TKT: variants seen among roughly 807,000 people sequenced by gnomAD.
TKT encodes the protein transketolase, also known as epididymis luminal protein 107.
Under a neutral mutation model 63.9 loss-of-function variants are expected in TKT, and 47 were observed. That is an observed-to-expected ratio of 0.74 (90% CI 0.58 to 0.94). The LOEUF is 0.94. Ranked by LOEUF, TKT falls within the 40% of genes least tolerant of loss-of-function variation. The probability of loss-of-function intolerance (pLI) is 0.00; values close to 1 mark genes in which losing one functional copy is unlikely to be tolerated. For synonymous variants in TKT, 338 were observed against 334.1 expected, an observed-to-expected ratio of 1.01 and a Z score of -0.13; for missense variants, 721 against 846.2, an observed-to-expected ratio of 0.85 and a Z score of 1.84.
intron 13 of TKT, 182 bp from the exon 14 acceptor site, chr3:53,226,113 A>C: frequency 1.8e-6 from 1 of 547,466 alleles, no homozygotes; most frequent in African/African-American, 1.9e-5. Flanking sequence ...ACAGACAGGT[A>C]TCACCATGTT....
intron 8 of TKT, among the ~76,000 whole-genome samples, 158 bp downstream of exon 8, chr3:53,230,299 T>TCAAG (rs2106667742): frequency 6.6e-6 from 1 of 152,332 alleles, no homozygotes; most frequent in East Asian, 1.9e-4. Flanking sequence ...CTGTGGCTGT[T>TCAAG]CAAGGTCAGG....
intron 8 of TKT, 79 bp downstream of exon 8, chr3:53,230,378 C>A (rs1032341341): frequency 1.9e-6 from 3 of 1,583,306 alleles, no homozygotes; most frequent in Non-Finnish European, 2.6e-6. Flanking sequence ...CCTGGCTCTG[C>A]CAACATGGCT....
At chr3:53,248,194 G>T (rs562427425) in intron 1 of TKT, among the ~76,000 whole-genome samples, 111 of 152,328 alleles carry the variant, frequency 7.3e-4, no homozygotes, top group African/African-American at 2.6e-3. Flanking sequence ...TCATTCGGAG[G>T]ATGGGGCCAC....
At chr3:53,243,306 C>G (rs1182230771) in intron 1 of TKT, among the ~76,000 whole-genome samples, 2 of 152,096 alleles carry the variant, frequency 1.3e-5, no homozygotes, top group South Asian at 4.1e-4. Flanking sequence ...ACAGGCCTCC[C>G]GGGAGGGCCC....
At position 53,225,711 on chromosome 3, in the gene TKT, A is replaced by C. The variant is rs1318083165; in HGVS notation, c.*45T>G. On this transcript the variant is annotated 3_prime_UTR_variant, in exon 14 of 14. Coordinates refer to ENST00000462138, the MANE Select transcript of TKT (RefSeq NM_001064.4). The stretch of plus-strand genomic sequence containing the variant: ...GTACATCTTTGAGCACCTTTCCCAG[A>C]ATCTCAGGAATGTATAGACCCCCGC... 5 of 1,523,234 alleles carry C rather than the reference A, an allele frequency of 3.3e-6. No individual in the cohort carries two copies. Among genetic ancestry groups the C allele is most frequent in the Non-Finnish European group, 4.4e-6 (5 of 1,125,956 alleles). 94.4% of individuals were successfully genotyped at this position (1,523,234 alleles called of 1,614,324 possible). A position where few individuals can be genotyped will look rare whatever the true frequency, so the allele number is the denominator to read the frequency against.
At chr3:53,228,200 T>G (rs1375214035) in intron 11 of TKT, 51 bp from the exon 12 acceptor site, 2 of 1,612,720 alleles carry the variant, frequency 1.2e-6, no homozygotes, top group Non-Finnish European at 1.7e-6. Flanking sequence ...GGGCAGGGTG[T>G]GCCCTGACTG....
intron 1 of TKT, among the ~76,000 whole-genome samples, chr3:53,250,642 C>T (rs868968968): frequency 6.6e-6 from 1 of 152,124 alleles, no homozygotes; most frequent in Non-Finnish European, 1.5e-5. Flanking sequence ...CATAGTGGCT[C>T]ATGCCTGTGG....
At chr3:53,239,615 C>T (rs895447552) in intron 4 of TKT, among the ~76,000 whole-genome samples, 4 of 152,172 alleles carry the variant, frequency 2.6e-5, no homozygotes, top group Non-Finnish European at 4.4e-5. Flanking sequence ...ATCTGACCAC[C>T]GCAGACAAAC....
At chr3:53,251,391 G>C (rs1169933662) in intron 1 of TKT, among the ~76,000 whole-genome samples, 1 of 152,176 alleles carries the variant, frequency 6.6e-6, no homozygotes. Flanking sequence ...TTTAAAGCCA[G>C]GATGAGCTGG....
At position 53,229,111 on chromosome 3, in the gene TKT, G is replaced by C. The variant is rs1704627647; in HGVS notation, c.1291C>G (p.Leu431Val). The change falls in exon 10 of 14, where the codon CTA (leucine) becomes GTA (valine). Residue 431 changes from leucine (L) to valine (V), a missense_variant. Transcript: ENST00000462138. ...IGEDGPSQMA[L>V]EDLAMFRSVP... ...GACCGAAACATAGCCAGATCTTCTA[G>C]GGCCATCTGGGAGGGCCCGTCTTCC... The C allele has an allele frequency of 2.5e-6, 4 of 1,614,166 alleles. No individual in the cohort carries two copies. Among genetic ancestry groups the C allele is most frequent in the South Asian group, 1.1e-5 (1 of 91,086 alleles).
chr3:53,250,940 T>C (rs1705718433), intron 1 of TKT, among the ~76,000 whole-genome samples: 1 of 152,014 alleles, frequency 6.6e-6, no homozygotes, highest in African/African-American at 2.4e-5. Flanking sequence ...TGCACAGCTC[T>C]TTCTTTTTTT....
In TKT at chr3:53,240,358, C is replaced by G. The variant is rs781885784; in HGVS notation, c.340-10G>C. On this transcript the variant is annotated splice_polypyrimidine_tract_variant and intron_variant, in intron 3 of 13. Coordinates refer to ENST00000462138, the MANE Select transcript of TKT (RefSeq NM_001064.4). ...CGGTGAAAGCTTGTTTCTGTCATAA[C>G]AGAAGGCCACCGTTAATCTGAGAGG... The G allele has an allele frequency of 6.2e-7, 1 of 1,609,306 alleles. No individual in the cohort carries two copies. The highest frequency in any genetic ancestry group is 8.5e-7 in the Non-Finnish European group (1 of 1,176,694).
chr3:53,237,250 T>A (rs1705071579), intron 4 of TKT, among the ~76,000 whole-genome samples: 1 of 151,858 alleles, frequency 6.6e-6, no homozygotes, highest in Non-Finnish European at 1.5e-5. Flanking sequence ...TAGCTGAGTG[T>A]GGTGGTGCGC....
chr3:53,253,141 C>T (rs1269358989), intron 1 of TKT, among the ~76,000 whole-genome samples: 1 of 151,972 alleles, frequency 6.6e-6, no homozygotes, highest in African/African-American at 2.4e-5. Flanking sequence ...TGCGCCTGGC[C>T]GAAACATTAT....
In TKT at chr3:53,228,264, C is replaced by T. The variant is rs1553676010; in HGVS notation, c.1479+12G>A. The T allele has an allele frequency of 6.2e-7, 1 of 1,613,966 alleles. No individual in the cohort carries two copies. Among genetic ancestry groups the T allele is most frequent in the African/African-American group, 1.3e-5 (1 of 74,918 alleles). ...CAGCTCTGTGGGCTCCTGGGGCATG[C>T]GAGGCACTGACCTTGGCTTGTCCGA... is the stretch of plus-strand genomic sequence containing the variant. On this transcript the variant is annotated intron_variant, in intron 11 of 13. Transcript: ENST00000462138.
At chr3:53,243,964 G>A (rs1705397422) in intron 1 of TKT, among the ~76,000 whole-genome samples, 1 of 152,222 alleles carries the variant, frequency 6.6e-6, no homozygotes, top group South Asian at 2.1e-4. Context: ...ACACCCCGGG[G>A]TGACAGTCCC....
chr3:53,241,176 T>A lies in TKT; in HGVS notation c.295A>T (p.Asn99Tyr). 6.3e-7 allele frequency: 1 copy of A among 1,595,604 alleles called. No homozygotes were observed. Among genetic ancestry groups the A allele is most frequent in the African/African-American group, 1.4e-5 (1 of 73,640 alleles). Residue 99 changes from asparagine to tyrosine, a missense_variant, in exon 3 of 14, where the codon AAC (asparagine) becomes TAC (tyrosine). Physicochemically the swap from Asn to Tyr is moderately radical, Grantham distance 143. Coordinates refer to ENST00000462138, the MANE Select transcript of TKT (RefSeq NM_001064.4). ...AGFLAEAELL[N>Y]LRKISSDLDG... ...AAGTCGGAGCTGATCTTCCTCAGGT[T>A]CAGCAGCTCCGCCTCGGCCAGGAAA... is the stretch of plus-strand genomic sequence containing the variant.
chr3:53,234,840 T>C, intron 5 of TKT, 143 bp downstream of exon 5: 3 of 813,372 alleles, frequency 3.7e-6, no homozygotes, highest in Non-Finnish European at 5.4e-6. Context: ...GAGTTTGAAA[T>C]TGTGAGTCAA....
intron 1 of TKT, among the ~76,000 whole-genome samples, chr3:53,242,820 T>C (rs1575570406): frequency 6.6e-6 from 1 of 152,200 alleles, no homozygotes; most frequent in East Asian, 1.9e-4. Flanking sequence ...GGACTGAGGC[T>C]CATGGAGTTA....
Sources: gnomAD v4.1 joint callset for allele counts (sites outside exome capture counted in the v4.1 genomes callset) on GRCh38, gnomAD v4.1.1 for gene constraint, MANE v1.5 for transcripts, NCBI Gene and HGNC (gene_info 2026-07-23, HGNC 2026-07-21) for gene names.